RRM2: variants seen among roughly 807,000 people sequenced by gnomAD.
The protein encoded by RRM2 is ribonucleoside-diphosphate reductase subunit M2.
In RRM2, 6 loss-of-function variants were observed where a neutral mutation model predicts 45.9. The ratio of observed to expected loss-of-function variants is 0.13; its 90% CI spans 0.07 to 0.26. RRM2 has a LOEUF of 0.26. RRM2 is among the 10% of genes least tolerant of loss of function. The pLI is 1.00. For missense variants in RRM2, 343 were observed against 489.5 expected, an observed-to-expected ratio of 0.70 and a Z score of 2.82; for synonymous variants, 177 against 173.0, an observed-to-expected ratio of 1.02 and a Z score of -0.18.
intron 3 of RRM2, among the ~76,000 whole-genome samples, chr2:10,164,056 G>T (rs1663629150): frequency 6.6e-6 from 1 of 152,124 alleles, no homozygotes; most frequent in African/African-American, 2.4e-5. Context: ...ATGTGTGTGT[G>T]CATGAGTGAA....
At chr2:10,153,027 G>C (rs916919271) in intron 3 of RRM2, among the ~76,000 whole-genome samples, 3 of 152,112 alleles carry the variant, frequency 2.0e-5, no homozygotes, top group African/African-American at 7.2e-5. Context: ...CAACCTAGGT[G>C]TTGATGAATG....
In RRM2 at chr2:10,128,565, C is replaced by G. The variant is rs991832390; in HGVS notation, c.799-283C>G. On this transcript the variant is annotated intron_variant, in intron 7 of 9. Transcript: ENST00000304567. ...TGTAGAAAGATCACTGAGTGAAGCT[C>G]TGACTCCTCCTTTGCCAACACACAG... Among the ~76,000 whole-genome samples the G allele has an allele frequency of 2.0e-5, 3 of 152,212 alleles. No individual in the cohort carries two copies. The East Asian group carries it at 5.8e-4, about 29-fold the overall frequency.
At chr2:10,122,595 C>A, upstream of RRM2, 2 of 1,467,010 alleles carry the variant, frequency 1.4e-6, no homozygotes, top group Non-Finnish European at 1.8e-6. Flanking sequence ...CGCGGCCAGC[C>A]TGGGTAGGGG....
intron 3 of RRM2, among the ~76,000 whole-genome samples, chr2:10,166,024 A>G (rs1663671043): frequency 6.6e-6 from 1 of 152,342 alleles, no homozygotes; most frequent in East Asian, 1.9e-4. Flanking sequence ...AGGGGAGCAC[A>G]GCAGCTGCTG....
downstream of RRM2, among the ~76,000 whole-genome samples, chr2:10,135,606 T>C (rs371855415): frequency 2.8e-4 from 43 of 151,934 alleles, no homozygotes; most frequent in African/African-American, 9.9e-4. Context: ...AAGCACAAAA[T>C]AGGATGGTAG....
intron 3 of RRM2, among the ~76,000 whole-genome samples, chr2:10,162,717 C>T (rs1444607158): frequency 6.6e-6 from 1 of 150,986 alleles, no homozygotes; most frequent in Non-Finnish European, 1.5e-5. Flanking sequence ...TGGGGAGTCA[C>T]AGCTCTTCCT....
At chr2:10,164,695 C>T (rs889570347) in intron 3 of RRM2, among the ~76,000 whole-genome samples, 10 of 152,186 alleles carry the variant, frequency 6.6e-5, no homozygotes, top group African/African-American at 2.4e-4. Context: ...GTGGGTGTGG[C>T]CAGAGAATCC....
intron 3 of RRM2, among the ~76,000 whole-genome samples, chr2:10,150,440 T>G (rs1412387821): frequency 7.1e-6 from 1 of 141,134 alleles, no homozygotes; most frequent in South Asian, 2.2e-4. Flanking sequence ...AGCGAGACTC[T>G]GCCTCAAAAA....
rs1200468153 is a variant in RRM2, at chr2:10,185,206, C to T, written n.483-25105C>T. On this transcript the variant is annotated intron_variant and non_coding_transcript_variant, in intron 3 of 3. Coordinates refer to the RRM2 transcript ENST00000381786. This position sits in a 1 kb window ranked among gnomAD's most constrained non-coding sequence, Gnocchi z 4.3. ...CACGCAGAGGAGAATCAGTATGCAG[C>T]TGTTAATTTTGGCTGCTGACTCCAG... 6.6e-6 allele frequency among the ~76,000 whole-genome samples: 1 copy of T among 151,986 alleles called. No homozygotes were observed. Among genetic ancestry groups the T allele is most frequent in the Non-Finnish European group, 1.5e-5 (1 of 68,024 alleles).
chr2:10,154,816 CT>C (rs1315440972), intron 3 of RRM2, among the ~76,000 whole-genome samples: 2 of 151,506 alleles, frequency 1.3e-5, no homozygotes, highest in Non-Finnish European at 2.9e-5. Context: ...CTGCCTCAGC[CT>C]TCCCAAGTAG....
chr2:10,158,828 CCTT>C (rs1443379723), intron 3 of RRM2, among the ~76,000 whole-genome samples: 1 of 152,062 alleles, frequency 6.6e-6, no homozygotes, highest in Non-Finnish European at 1.5e-5. Context: ...CGAGGAGTGG[CCTT>C]CTCTCCCGGG....
intron 3 of RRM2, among the ~76,000 whole-genome samples, chr2:10,186,148 T>C (rs947184727): frequency 6.6e-6 from 1 of 152,172 alleles, no homozygotes; most frequent in African/African-American, 2.4e-5. Flanking sequence ...GACTTAGAGC[T>C]GTGTGATTTT....
At chr2:10,135,203 T>G (rs781392964), downstream of RRM2, among the ~76,000 whole-genome samples, 7 of 152,020 alleles carry the variant, frequency 4.6e-5, no homozygotes, top group South Asian at 2.1e-4. Flanking sequence ...CCACAGTGAA[T>G]CAATAGAATC....
chr2:10,123,694 C>G (rs775749110), intron 3 of RRM2, 42 bp from the exon 4 acceptor site: 1 of 1,433,454 alleles, frequency 7.0e-7, no homozygotes, highest in Admixed American at 1.7e-5. Context: ...GTAGGCTTTA[C>G]TCTCTTCCTT....
chr2:10,200,534 ATT>A (rs1664537975), intron 3 of RRM2, among the ~76,000 whole-genome samples: 1 of 7,338 alleles, frequency 1.4e-4, no homozygotes, highest in African/African-American at 4.6e-4. Context: ...GCGCGCACAA[ATT>A]ATGAGTCCCA....
At chr2:10,142,166 A>T in intron 2 of RRM2, 18 of 1,470,524 alleles carry the variant, frequency 1.2e-5, no homozygotes, top group Middle Eastern at 1.9e-4. Context: ...GAGCAGAGTG[A>T]GGGGTGGGAG....
At chr2:10,162,672 A>T (rs1572510204) in intron 3 of RRM2, among the ~76,000 whole-genome samples, 1 of 147,596 alleles carries the variant, frequency 6.8e-6, no homozygotes, top group African/African-American at 2.5e-5. Flanking sequence ...AGCCACCTGC[A>T]CCCCCCCGCC....
chr2:10,188,717 A>T (rs923792825), intron 3 of RRM2, among the ~76,000 whole-genome samples: 1 of 152,030 alleles, frequency 6.6e-6, no homozygotes, highest in African/African-American at 2.4e-5. Context: ...GGGCCGAGGC[A>T]TGGGGGGCAT....
At chr2:10,134,334 G>C (rs573189963), downstream of RRM2, among the ~76,000 whole-genome samples, 90 of 152,216 alleles carry the variant, frequency 5.9e-4, no homozygotes, top group Middle Eastern at 6.8e-3. Context: ...AGGGGCTGAC[G>C]TGCAATTGGA....
Sources: allele counts gnomAD v4.1 joint callset (sites outside exome capture counted in the v4.1 genomes callset), GRCh38; gene constraint gnomAD v4.1.1; non-coding constraint Gnocchi (gnomAD v3.1); transcripts MANE v1.5; gene names NCBI Gene and HGNC (gene_info 2026-07-23, HGNC 2026-07-21).